The following EYS variants were observed in gnomAD, a reference collection of about 807,000 sequenced individuals.
EYS encodes EGF-like photoreceptor maintenance factor.
In EYS, 250 loss-of-function variants were observed where a neutral mutation model predicts 282.1. That is an observed-to-expected ratio of 0.89 (90% CI 0.80 to 0.98). The LOEUF (loss-of-function observed/expected upper bound fraction) is 0.98, where lower values mean the gene tolerates loss of function less well. Among genes scored for constraint, EYS ranks in the 50% least tolerant of loss-of-function variants. The pLI is 0.00. For missense variants in EYS, 4,016 were observed against 3,709.0 expected (o/e 1.08, Z -2.15); for synonymous variants, 1,355 against 1,282.9 (o/e 1.06, Z -1.20).
At chr6:64,465,174 T>C (rs1775877183) in intron 26 of EYS, among the ~76,000 whole-genome samples, 1 of 152,062 alleles carries the variant, frequency 6.6e-6, no homozygotes, top group Non-Finnish European at 1.5e-5. Context: ...ATTGTTTAAA[T>C]GTTCATACTA....
intron 35 of EYS, among the ~76,000 whole-genome samples, chr6:63,877,894 T>A (rs1773021161): frequency 6.6e-6 from 1 of 152,214 alleles, no homozygotes; most frequent in African/African-American, 2.4e-5. Context: ...GGTTTTTAGC[T>A]TCTTTGCAAT....
chr6:64,965,467 G>A (rs190421517), intron 14 of EYS, among the ~76,000 whole-genome samples: 189 of 151,896 alleles, frequency 1.2e-3, no homozygotes, highest in African/African-American at 4.3e-3. Context: ...ATTTGTAAAT[G>A]TGCTGATTAA....
At chr6:63,999,746 G>C (rs188522564) in intron 33 of EYS, among the ~76,000 whole-genome samples, 75 of 152,254 alleles carry the variant, frequency 4.9e-4, no homozygotes, top group Middle Eastern at 6.8e-3. Flanking sequence ...AAAAGCATAA[G>C]GTTAAGGGAG....
At chr6:64,664,838 A>G (rs936586213) in intron 22 of EYS, among the ~76,000 whole-genome samples, 4 of 152,192 alleles carry the variant, frequency 2.6e-5, no homozygotes, top group Admixed American at 2.6e-4. Flanking sequence ...CTCCAGAAAT[A>G]TGAGAAATAA....
intron 12 of EYS, among the ~76,000 whole-genome samples, chr6:65,216,208 T>C (rs1766308604): frequency 6.6e-6 from 1 of 152,112 alleles, no homozygotes; most frequent in Non-Finnish European, 1.5e-5. Flanking sequence ...CATGTTTATA[T>C]ATTTATATTT....
At chr6:64,596,705 A>G (rs930903928) in intron 24 of EYS, among the ~76,000 whole-genome samples, 1 of 152,214 alleles carries the variant, frequency 6.6e-6, no homozygotes, top group Non-Finnish European at 1.5e-5. Context: ...TACAAAAATC[A>G]ACTCAAAATT....
At chr6:64,883,850 C>CTCTA (rs10682408) in intron 19 of EYS, among the ~76,000 whole-genome samples, 125,422 of 150,936 alleles carry the variant, frequency 0.83, 52,130 homozygotes, top group East Asian at 0.85. Context: ...TAAATTTGGA[C>CTCTA]TCTGTGATAG....
At chr6:64,607,920 T>A (rs1158346607) in intron 24 of EYS, among the ~76,000 whole-genome samples, 1 of 152,118 alleles carries the variant, frequency 6.6e-6, no homozygotes, top group African/African-American at 2.4e-5. Context: ...AAATAATGAT[T>A]CTTACATCAC....
At chr6:64,415,991 T>A (rs1255505559) in intron 28 of EYS, among the ~76,000 whole-genome samples, 3 of 152,190 alleles carry the variant, frequency 2.0e-5, no homozygotes. Context: ...AAACTGAGCT[T>A]AATGTATAAA....
At chr6:65,066,799 A>G (rs908684809) in intron 12 of EYS, among the ~76,000 whole-genome samples, 3 of 152,172 alleles carry the variant, frequency 2.0e-5, no homozygotes, top group Non-Finnish European at 4.4e-5. Context: ...TAATTCACAA[A>G]TAGTTACATA....
At chr6:64,295,169 TC>T (rs1227153701) in intron 30 of EYS, among the ~76,000 whole-genome samples, 3 of 150,818 alleles carry the variant, frequency 2.0e-5, no homozygotes, top group Non-Finnish European at 4.4e-5. Context: ...GGTCAGGAGA[TC>T]AAGACCATCC....
At chr6:64,944,442 GA>G (rs1179639474) in intron 15 of EYS, among the ~76,000 whole-genome samples, 1 of 152,028 alleles carries the variant, frequency 6.6e-6, no homozygotes, top group African/African-American at 2.4e-5. Flanking sequence ...GACAGAATGG[GA>G]AAAATAAAGT....
intron 13 of EYS, among the ~76,000 whole-genome samples, chr6:65,046,966 T>G (rs1172681229): frequency 6.6e-6 from 1 of 151,850 alleles, no homozygotes; most frequent in Non-Finnish European, 1.5e-5. Context: ...CCCCACTCTC[T>G]CTATCCTCTT....
chr6:64,978,216 A>G (rs1045493970), intron 14 of EYS, among the ~76,000 whole-genome samples: 6 of 151,876 alleles, frequency 4.0e-5, no homozygotes, highest in African/African-American at 1.4e-4. Flanking sequence ...GGATGATGCA[A>G]TTTGTGACTT....
chr6:65,196,395 A>G (rs1765767175), intron 12 of EYS, among the ~76,000 whole-genome samples: 1 of 152,140 alleles, frequency 6.6e-6, no homozygotes, highest in South Asian at 2.1e-4. Flanking sequence ...AAATTTTCTT[A>G]CACATGCAAT....
intron 22 of EYS, among the ~76,000 whole-genome samples, chr6:64,702,294 T>A (rs1317945360): frequency 2.6e-5 from 4 of 152,124 alleles, no homozygotes; most frequent in Admixed American, 6.6e-5. Flanking sequence ...GTATCAATCA[T>A]ACAGCCTCAG....
chr6:64,981,776 CAAG>C (rs952862773), intron 14 of EYS, among the ~76,000 whole-genome samples: 2 of 151,280 alleles, frequency 1.3e-5, no homozygotes, highest in African/African-American at 4.8e-5. Flanking sequence ...TGGTTTCTCT[CAAG>C]AGGTTTCCTC....
At chr6:65,590,997 CT>C (rs1765212568) in intron 2 of EYS, among the ~76,000 whole-genome samples, 2 of 151,840 alleles carry the variant, frequency 1.3e-5, no homozygotes, top group African/African-American at 2.4e-5. Context: ...ATACCCAGTG[CT>C]GGGATTGCTA....
chr6:64,326,524 A>G (rs75772209), intron 29 of EYS, among the ~76,000 whole-genome samples: 5,311 of 152,232 alleles, frequency 0.035, 221 homozygotes, highest in African/African-American at 0.096. Context: ...GACTTTCTGG[A>G]CAAATGTCTG....
Sources: allele counts gnomAD v4.1 joint callset (sites outside exome capture counted in the v4.1 genomes callset), GRCh38; gene constraint gnomAD v4.1.1; transcripts MANE v1.5; gene names NCBI Gene and HGNC (gene_info 2026-07-23, HGNC 2026-07-21).